The following CDH22 variants were observed in gnomAD, a reference collection of about 807,000 sequenced individuals.
CDH22 encodes cadherin 22.
Under a neutral mutation model 58.4 loss-of-function variants are expected in CDH22, and 30 were observed. The observed-to-expected ratio is 0.51, with a 90% CI of 0.38 to 0.70. The LOEUF (loss-of-function observed/expected upper bound fraction) is 0.70. Ranked by LOEUF, CDH22 falls within the 30% of genes least tolerant of loss-of-function variation. The pLI is 0.00. For synonymous variants in CDH22, 513 were observed against 558.2 expected (o/e 0.92, Z 1.14); for missense variants, 1,014 against 1,233.9 (o/e 0.82, Z 2.67).
chr20:46,277,292 GA>G (rs2086523277), intron 1 of CDH22, among the ~76,000 whole-genome samples: 1 of 152,166 alleles, frequency 6.6e-6, no homozygotes, highest in African/African-American at 2.4e-5. Context: ...CGTTTTTCTA[GA>G]AGGCATTAGA....
At chr20:46,276,606 G>C (rs1209587694) in intron 1 of CDH22, among the ~76,000 whole-genome samples, 1 of 152,198 alleles carries the variant, frequency 6.6e-6, no homozygotes, top group Non-Finnish European at 1.5e-5. Context: ...ACTATACTGG[G>C]AGGAAGGAAC....
chr20:46,269,593 C>T (rs1032815950), intron 1 of CDH22, among the ~76,000 whole-genome samples: 3 of 152,344 alleles, frequency 2.0e-5, no homozygotes, highest in Non-Finnish European at 2.9e-5. Context: ...GGCAGTCTGA[C>T]GTCAGAGCCA....
intron 4 of CDH22, among the ~76,000 whole-genome samples, chr20:46,223,647 TTCTC>T (rs1328264638): frequency 4.3e-4 from 65 of 151,000 alleles, no homozygotes; most frequent in African/African-American, 1.5e-3. Flanking sequence ...CTTTCTTTCT[TTCTC>T]TTTCTTTTTC....
intron 3 of CDH22, among the ~76,000 whole-genome samples, chr20:46,237,706 A>G (rs2086263428): frequency 6.6e-6 from 1 of 152,072 alleles, no homozygotes; most frequent in Non-Finnish European, 1.5e-5. Flanking sequence ...GGGAGTCAAG[A>G]CAGAGCTGGG....
chr20:46,274,974 A>C (rs2086510339), intron 1 of CDH22, among the ~76,000 whole-genome samples: 2 of 152,192 alleles, frequency 1.3e-5, no homozygotes, highest in South Asian at 4.1e-4. Context: ...ATGGGCACGG[A>C]GGCTCTTTCT....
At chr20:46,225,481 T>C (rs2145708041) in intron 4 of CDH22, among the ~76,000 whole-genome samples, 1 of 152,216 alleles carries the variant, frequency 6.6e-6, no homozygotes. Flanking sequence ...ATAGCTACCA[T>C]TCATGTAAAA....
In CDH22 at chr20:46,210,595, G is replaced by C; in HGVS notation, c.1033-35C>G. On this transcript the variant is annotated intron_variant, in intron 6 of 11. Transcript: ENST00000537909. This position sits in a 1 kb window ranked among gnomAD's most constrained non-coding sequence, Gnocchi z 4.5. ...GGAGCAGAGGGCCGGTTAGTGGGTG[G>C]GGTCTGGTGGACACTGAGGCCTTCA... 7.1e-7 allele frequency: 1 copy of C among 1,418,356 alleles called. No individual in the cohort carries two copies. The highest frequency in any genetic ancestry group is 9.2e-7 in the Non-Finnish European group (1 of 1,082,060). 87.9% of individuals were successfully genotyped at this position (1,418,356 alleles called of 1,614,324 possible).
intron 1 of CDH22, among the ~76,000 whole-genome samples, chr20:46,291,908 T>G (rs1428388380): frequency 6.6e-6 from 1 of 152,254 alleles, no homozygotes; most frequent in Non-Finnish European, 1.5e-5. Flanking sequence ...GCCGTATTCT[T>G]GGCCTCTACC....
At chr20:46,301,605 G>A (rs1057157287) in intron 1 of CDH22, among the ~76,000 whole-genome samples, 8 of 151,990 alleles carry the variant, frequency 5.3e-5, no homozygotes, top group Non-Finnish European at 1.2e-4. Flanking sequence ...GAGGTCAGGA[G>A]CTCGAGACCA....
intron 1 of CDH22, among the ~76,000 whole-genome samples, chr20:46,272,302 C>CT (rs1440999771): frequency 6.6e-6 from 1 of 152,128 alleles, no homozygotes; most frequent in Non-Finnish European, 1.5e-5. Context: ...GCAAGAGTTC[C>CT]TTTTTGGATG....
chr20:46,215,818 C>T (rs925563866), intron 5 of CDH22, among the ~76,000 whole-genome samples: 3 of 152,208 alleles, frequency 2.0e-5, no homozygotes, highest in South Asian at 2.1e-4. Flanking sequence ...GGTGGGGGTG[C>T]GTCCCACCCA....
In CDH22 at chr20:46,233,067, G is replaced by A. The variant is rs539072626; in HGVS notation, c.551-5440C>T. On this transcript the variant is annotated intron_variant, in intron 3 of 11. Transcript: ENST00000537909. ...ACAGAGGTTAAGTAGGAAACCAGAG[G>A]AATCTAGAAACAGAGACAGAGCAAA... 2.6e-5 allele frequency among the ~76,000 whole-genome samples: 4 copies of A among 152,346 alleles called. No homozygotes were observed. In the East Asian group the frequency reaches 7.7e-4, roughly 29 times the overall value.
intron 7 of CDH22, among the ~76,000 whole-genome samples, chr20:46,200,445 A>ATT (rs557626664): frequency 0.028 from 3,707 of 130,460 alleles, 192 homozygotes; most frequent in African/African-American, 0.1. Context: ...CGCCCAGCTA[A>ATT]TTTTTTTTTT....
At chr20:46,276,763 G>A (rs2086519985) in intron 1 of CDH22, among the ~76,000 whole-genome samples, 2 of 152,238 alleles carry the variant, frequency 1.3e-5, no homozygotes, top group Admixed American at 1.3e-4. Flanking sequence ...CTGGGGAGAT[G>A]GGTGTGGGCA....
chr20:46,286,365 A>T (rs539307866), intron 1 of CDH22, among the ~76,000 whole-genome samples: 1 of 152,200 alleles, frequency 6.6e-6, no homozygotes, highest in South Asian at 2.1e-4. Context: ...ATTCCCCAGC[A>T]TCCCCCGGGG....
At chr20:46,258,692 C>T (rs1392263055) in intron 1 of CDH22, among the ~76,000 whole-genome samples, 1 of 152,238 alleles carries the variant, frequency 6.6e-6, no homozygotes, top group Non-Finnish European at 1.5e-5. Context: ...TCCCAGCTCC[C>T]CAGCAGCCTC....
At position 46,241,145 on chromosome 20, in the gene CDH22, T is replaced by C. The variant is rs746421050; in HGVS notation, c.368A>G (p.Glu123Gly). Residue 123 changes from glutamate (E) to glycine (G), a missense_variant, in exon 3 of 12, where the codon GAG becomes GGG. Coordinates refer to ENST00000537909, the MANE Select transcript of CDH22 (RefSeq NM_021248.3). The surrounding 1 kb of genome is among the most constrained non-coding windows in gnomAD (Gnocchi z 5.2). ...GGTTTTCTGCTCGCGGTCCAGGCGCTCCATGGCATGAATGTCGCCTGTCAG... is the reference window on the plus strand; with the variant it reads ...GGTTTTCTGCTCGCGGTCCAGGCGCCCCATGGCATGAATGTCGCCTGTCAG... ...DELTGDIHAMERLDREQKTFY... is the reference protein window; with the variant it reads ...DELTGDIHAMGRLDREQKTFY... The C allele has an allele frequency of 6.2e-7, 1 of 1,613,994 alleles. No individual in the cohort carries two copies. Among genetic ancestry groups the C allele is most frequent in the East Asian group, 2.2e-5 (1 of 44,866 alleles).
At chr20:46,180,926 TTGTGTGTGTGTGTGTGTG>T (rs11471209) in intron 10 of CDH22, among the ~76,000 whole-genome samples, 6 of 142,492 alleles carry the variant, frequency 4.2e-5, no homozygotes, top group Non-Finnish European at 4.6e-5. Flanking sequence ...AAAGTTTGTT[TTGTGTGTGTGTGTGTGTG>T]TGTGTGTGTG....
intron 10 of CDH22, among the ~76,000 whole-genome samples, chr20:46,186,202 CA>C (rs57944745): frequency 0.082 from 6,675 of 81,074 alleles, 187 homozygotes; most frequent in African/African-American, 0.13. Flanking sequence ...GACCCTGTCT[CA>C]AAAAAAAAAA....
Sources: gnomAD v4.1 joint callset for allele counts (sites outside exome capture counted in the v4.1 genomes callset) on GRCh38, gnomAD v4.1.1 for gene constraint, Gnocchi (gnomAD v3.1) non-coding constraint, MANE v1.5 for transcripts, NCBI Gene and HGNC (gene_info 2026-07-23, HGNC 2026-07-21) for gene names.